TMEM273: variants seen among roughly 807,000 people sequenced by gnomAD.
TMEM273 encodes chromosome 10 open reading frame 128.
A neutral mutation model predicts 17.9 loss-of-function variants in TMEM273; 19 were observed. That is an observed-to-expected ratio of 1.06 (90% CI 0.74 to 1.55). The LOEUF (loss-of-function observed/expected upper bound fraction) is 1.55, where lower values mean the gene tolerates loss of function less well. Among genes scored for constraint, TMEM273 ranks in the 40% most tolerant of loss-of-function variants. The pLI is 0.00. For synonymous variants in TMEM273, 66 were observed against 62.0 expected (o/e 1.07, Z -0.31); for missense variants, 194 against 155.6 (o/e 1.25, Z -1.31).
At chr10:49,160,787 T>G (rs2804934) in intron 6 of TMEM273, 51,460 of 152,076 alleles carry the variant, frequency 0.34, 9,010 homozygotes, top group South Asian at 0.45. Context: ...TACACAGAGA[T>G]AAAGCAAAGG....
At chr10:49,167,768 G>A in intron 2 of TMEM273, 141 bp downstream of exon 2, 2 of 1,020,032 alleles carry the variant, frequency 2.0e-6, no homozygotes, top group Non-Finnish European at 3.0e-6. Context: ...CTGCTCTGGG[G>A]GACCTGGAGG....
rs1845436021 is a variant in TMEM273, at chr10:49,155,071, T to G, written c.*821A>C. ...CACGGGGCCTTAGCCTGATGGCAAT[T>G]GTAGAATGTCATGGCTTTCCTCAGC... On this transcript the variant is annotated 3_prime_UTR_variant, in exon 7 of 7. Transcript: ENST00000374153. 6.6e-6 allele frequency: 1 copy of G among 152,228 alleles called. No homozygotes were observed. Among genetic ancestry groups the G allele is most frequent in the Non-Finnish European group, 1.5e-5 (1 of 68,054 alleles). The allele number at this position is 152,228 out of a possible 1,614,324, so 9.4% of individuals were successfully genotyped here.
In TMEM273 at chr10:49,155,527, GGATT is replaced by G; in HGVS notation, c.*361_*364del. The stretch of plus-strand genomic sequence containing the variant: ...TGTGTAGGAAGCTGTGTGTTGGGTC[GGATT>G]CCCCTTTTCATGAGCCATTTTCTGT... On this transcript the variant is annotated 3_prime_UTR_variant, in exon 7 of 7. Transcript: ENST00000374153. 1 of 316,040 alleles carries G rather than the reference GGATT, an allele frequency of 3.2e-6. No homozygotes were observed. The highest frequency in any genetic ancestry group is 5.9e-6 in the Non-Finnish European group (1 of 170,002). The allele number at this position is 316,040 out of a possible 1,614,324, so 19.6% of individuals were successfully genotyped here.
chr10:49,167,779 T>G, intron 2 of TMEM273, 130 bp downstream of exon 2: 3 of 1,168,892 alleles, frequency 2.6e-6, no homozygotes, highest in South Asian at 1.3e-5. Context: ...GACCTGGAGG[T>G]GAGGGTGCCC....
chr10:49,181,152 C>T (rs962872825), intron 1 of TMEM273, among the ~76,000 whole-genome samples: 3 of 152,162 alleles, frequency 2.0e-5, no homozygotes, highest in African/African-American at 2.4e-5. Flanking sequence ...ACACAACTTA[C>T]GATCACTCAT....
At chr10:49,176,372 C>G (rs1350880208) in intron 1 of TMEM273, among the ~76,000 whole-genome samples, 1 of 152,194 alleles carries the variant, frequency 6.6e-6, no homozygotes, top group East Asian at 1.9e-4. Flanking sequence ...CCAAGGCCTC[C>G]CATAGCCTGT....
intron 1 of TMEM273, among the ~76,000 whole-genome samples, chr10:49,184,866 T>C (rs557263824): frequency 6.6e-6 from 1 of 152,238 alleles, no homozygotes; most frequent in African/African-American, 2.4e-5. Flanking sequence ...AGTATGGGAA[T>C]GGATAAATAA....
intron 1 of TMEM273, among the ~76,000 whole-genome samples, chr10:49,177,528 TG>T (rs913255420): frequency 2.6e-5 from 4 of 152,200 alleles, no homozygotes; most frequent in Non-Finnish European, 4.4e-5. Context: ...GGGCCTCTCT[TG>T]GGGACAGTGG....
At chr10:49,161,432 G>T in intron 6 of TMEM273, 167 bp downstream of exon 6, 1 of 759,600 alleles carries the variant, frequency 1.3e-6, no homozygotes, top group Non-Finnish European at 2.3e-6. Flanking sequence ...AGGTGATGCT[G>T]ATTCCTGGTC....
chr10:49,178,440 G>T (rs1291583112), intron 1 of TMEM273: 4 of 386,704 alleles, frequency 1.0e-5, no homozygotes, highest in Non-Finnish European at 2.1e-5. Context: ...AGGGGAGTGG[G>T]AGTATCTCTA....
At chr10:49,158,738 G>A (rs190772861) in intron 6 of TMEM273, among the ~76,000 whole-genome samples, 103 of 152,198 alleles carry the variant, frequency 6.8e-4, no homozygotes, top group Admixed American at 2.1e-3. Flanking sequence ...TGAAACACTG[G>A]GGAAATAGGG....
rs112677967 is a variant in TMEM273, at chr10:49,161,621, G to A, written c.350C>T (p.Ala117Val). The A allele has an allele frequency of 3.8e-3, 6,180 of 1,614,164 alleles. 27 individuals carry two copies. The highest frequency in any genetic ancestry group is 4.6e-3 in the Non-Finnish European group (5,444 of 1,179,986). The part of the protein sequence containing the change: ...HHCIMEGLFK[A>V]KPQFLQKRCT... ...CACCTTTTGGAGAAATTGTGGTTTC[G>A]CCTGCAAAACAAGATAAAAGGGTGT... The change falls in exon 6 of 7, where the codon GCG becomes GTG. Residue 117 changes from alanine to valine, a missense_variant and splice_region_variant. Physicochemically the swap from Ala to Val is moderately conservative, Grantham distance 64 (BLOSUM62 0). Transcript: ENST00000374153.
rs1022741531 is a variant in TMEM273, at chr10:49,163,434, C to T, written c.348+1771G>A. Among the ~76,000 whole-genome samples the T allele has an allele frequency of 2.6e-5, 4 of 152,224 alleles. No homozygotes were observed. In the East Asian group the frequency reaches 5.8e-4, roughly 22 times the overall value. On this transcript the variant is annotated intron_variant, in intron 5 of 6. Transcript: ENST00000374153. Reference sequence around the variant, plus strand: ...GGTTACATGCCCTAGATGCAGAGAACGTGACATGGCCAGCAAGAGGAGTGC... The same window carrying T: ...GGTTACATGCCCTAGATGCAGAGAATGTGACATGGCCAGCAAGAGGAGTGC...
intron 1 of TMEM273, among the ~76,000 whole-genome samples, chr10:49,183,724 T>A (rs919643012): frequency 2.6e-5 from 4 of 152,088 alleles, no homozygotes; most frequent in Admixed American, 2.6e-4. Context: ...ATGACTACAA[T>A]AAGAGTATCT....
At chr10:49,178,042 TCTC>T (rs1847101682) in intron 1 of TMEM273, 1 of 380,248 alleles carries the variant, frequency 2.6e-6, no homozygotes, top group African/African-American at 2.1e-5. Flanking sequence ...CCATTTGCCT[TCTC>T]CTAGTAAGTC....
At position 49,155,685 on chromosome 10, in the gene TMEM273, C is replaced by T. The variant is rs11101000; in HGVS notation, c.*207G>A. On this transcript the variant is annotated 3_prime_UTR_variant, in exon 7 of 7. Transcript: ENST00000374153. ...TGCTCAATCCTTCCTCTGTGCAGTC[C>T]GTTTCTTCCAGAAGAGGCATGATAT... 6.4e-3 allele frequency: 4,328 copies of T among 676,086 alleles called. 125 individuals carry two copies. The African/African-American group carries it at 0.07, about 11-fold the overall frequency. The allele number at this position is 676,086 out of a possible 1,614,324, so 41.9% of individuals were successfully genotyped here. A position where few individuals can be genotyped will look rare whatever the true frequency, so the allele number is the denominator to read the frequency against.
At chr10:49,176,705 T>C (rs539981094) in intron 1 of TMEM273, among the ~76,000 whole-genome samples, 1 of 152,268 alleles carries the variant, frequency 6.6e-6, no homozygotes, top group Admixed American at 6.5e-5. Context: ...ACAGCTGTCC[T>C]GGACCATGGG....
Position 49,155,514 on chromosome 10 carries a change from T to C in TMEM273, c.*378A>G. 1 of 294,742 alleles carries C rather than the reference T, an allele frequency of 3.4e-6. No homozygotes were observed. The highest frequency in any genetic ancestry group is 7.4e-5 in the East Asian group (1 of 13,480). 18.3% of individuals were successfully genotyped at this position (294,742 alleles called of 1,614,324 possible). ...GATAAGATGGCAGTGTGTAGGAAGC[T>C]GTGTGTTGGGTCGGATTCCCCTTTT... On this transcript the variant is annotated 3_prime_UTR_variant, in exon 7 of 7. Coordinates refer to ENST00000374153, the MANE Select transcript of TMEM273 (RefSeq NM_001288740.3).
intron 6 of TMEM273, among the ~76,000 whole-genome samples, chr10:49,159,438 T>C (rs1335808119): frequency 6.6e-6 from 1 of 152,186 alleles, no homozygotes; most frequent in African/African-American, 2.4e-5. Flanking sequence ...GCATTTTGTG[T>C]GTATTATAGA....
Sources: allele counts gnomAD v4.1 joint callset (sites outside exome capture counted in the v4.1 genomes callset), GRCh38; gene constraint gnomAD v4.1.1; transcripts MANE v1.5; gene names NCBI Gene and HGNC (gene_info 2026-07-23, HGNC 2026-07-21).